The following PCDH15 variants were observed in gnomAD, a reference collection of about 807,000 sequenced individuals.
The protein encoded by PCDH15 is protocadherin-15.
PCDH15 carries 129 observed loss-of-function variants against 178.5 expected under a neutral mutation model. The ratio of observed to expected loss-of-function variants is 0.72; its 90% CI spans 0.63 to 0.84. The LOEUF (loss-of-function observed/expected upper bound fraction) is 0.84. Ranked by LOEUF, PCDH15 falls within the 40% of genes least tolerant of loss-of-function variation. The pLI, the probability that PCDH15 is intolerant of heterozygous loss-of-function variation, is 0.00. For missense variants in PCDH15, 2,230 were observed against 2,099.9 expected (o/e 1.06, Z -1.21); for synonymous variants, 800 against 732.0 (o/e 1.09, Z -1.50).
chr10:53,924,290 C>T (rs950537826), intron 25 of PCDH15, among the ~76,000 whole-genome samples: 7 of 152,236 alleles, frequency 4.6e-5, no homozygotes, highest in Admixed American at 6.5e-5. Flanking sequence ...CGGCTGGCAC[C>T]GTGGGCCCCA....
chr10:55,127,607 T>C (rs1837935298), intron 2 of PCDH15, among the ~76,000 whole-genome samples: 1 of 152,104 alleles, frequency 6.6e-6, no homozygotes, highest in Admixed American at 6.6e-5. Flanking sequence ...TCCTTTACCC[T>C]AATATAATCC....
At chr10:54,717,261 G>A (rs1314329894) in intron 1 of PCDH15, among the ~76,000 whole-genome samples, 2 of 120,364 alleles carry the variant, frequency 1.7e-5, no homozygotes, top group Non-Finnish European at 3.5e-5. Context: ...TTGACAAATG[G>A]GATCTAATTA....
At chr10:53,876,267 A>C (rs1439767274) in intron 26 of PCDH15, among the ~76,000 whole-genome samples, 1 of 149,312 alleles carries the variant, frequency 6.7e-6, no homozygotes, top group Non-Finnish European at 1.5e-5. Context: ...AGCTCACTGC[A>C]ACCTCCGCCT....
intron 2 of PCDH15, among the ~76,000 whole-genome samples, chr10:55,571,967 T>C (rs1842414255): frequency 1.3e-5 from 2 of 152,114 alleles, no homozygotes; most frequent in South Asian, 2.1e-4. Context: ...CGTGTCTTGC[T>C]ATAAACTTCC....
intron 8 of PCDH15, among the ~76,000 whole-genome samples, chr10:54,284,799 C>T (rs147620677): frequency 6.6e-6 from 1 of 152,224 alleles, no homozygotes; most frequent in African/African-American, 2.4e-5. Context: ...TTATCTAAGA[C>T]CCTTTTGCCT....
intron 2 of PCDH15, among the ~76,000 whole-genome samples, chr10:55,528,530 T>C (rs756519715): frequency 6.6e-6 from 1 of 152,150 alleles, no homozygotes; most frequent in Non-Finnish European, 1.5e-5. Flanking sequence ...TCTAGCTTCA[T>C]CCATGTCCCT....
chr10:53,839,017 A>G (rs1164007306), intron 29 of PCDH15, among the ~76,000 whole-genome samples: 1 of 152,040 alleles, frequency 6.6e-6, no homozygotes, highest in Non-Finnish European at 1.5e-5. Flanking sequence ...ATCCTGGCTA[A>G]CATGGTAAAA....
intron 1 of PCDH15, among the ~76,000 whole-genome samples, chr10:55,179,554 C>T (rs763948188): frequency 3.6e-5 from 4 of 110,462 alleles, no homozygotes; most frequent in Non-Finnish European, 8.2e-5. Context: ...CACTCCCCCC[C>T]ATTCTAAGCC....
At chr10:54,917,647 C>A (rs1265906783) in intron 2 of PCDH15, among the ~76,000 whole-genome samples, 1 of 152,106 alleles carries the variant, frequency 6.6e-6, no homozygotes, top group Non-Finnish European at 1.5e-5. Context: ...CTCAATGCAA[C>A]CAAGCCTGCC....
At chr10:54,131,079 C>T (rs1032082177) in intron 15 of PCDH15, among the ~76,000 whole-genome samples, 3 of 152,060 alleles carry the variant, frequency 2.0e-5, no homozygotes. Flanking sequence ...TTTTTTCAGC[C>T]TTTGTACCAG....
At chr10:54,873,695 T>TTTTA (rs1554809277) in intron 3 of PCDH15, among the ~76,000 whole-genome samples, 10,623 of 138,776 alleles carry the variant, frequency 0.077, 797 homozygotes, top group African/African-American at 0.2. Flanking sequence ...CTGCTGTATT[T>TTTTA]TATATATATA....
At chr10:53,847,707 G>A (rs2078067543) in intron 28 of PCDH15, among the ~76,000 whole-genome samples, 1 of 152,070 alleles carries the variant, frequency 6.6e-6, no homozygotes, top group Admixed American at 6.6e-5. Flanking sequence ...CAAGGTGACA[G>A]TCAAGTTTGT....
chr10:53,840,555 T>A (rs765952218), intron 28 of PCDH15, 59 bp from the exon 29 acceptor site: 22 of 1,480,636 alleles, frequency 1.5e-5, no homozygotes, highest in Non-Finnish European at 2.0e-5. Context: ...GAGTAAAAAA[T>A]TACTCTTAAC....
At chr10:54,178,709 TCAAA>T (rs891069701) in intron 13 of PCDH15, among the ~76,000 whole-genome samples, 2 of 138,188 alleles carry the variant, frequency 1.4e-5, no homozygotes, top group African/African-American at 3.0e-5. Context: ...TACAATGAAC[TCAAA>T]CAAATTTACA....
chr10:55,561,089 T>A (rs1842188780), intron 2 of PCDH15, among the ~76,000 whole-genome samples: 1 of 151,752 alleles, frequency 6.6e-6, no homozygotes, highest in Non-Finnish European at 1.5e-5. Context: ...TAAAAATAAC[T>A]CAGGTGTTAT....
intron 1 of PCDH15, among the ~76,000 whole-genome samples, chr10:55,190,851 A>G (rs1322407780): frequency 6.6e-6 from 1 of 151,722 alleles, no homozygotes; most frequent in Non-Finnish European, 1.5e-5. Flanking sequence ...TATAATAGGC[A>G]TTACTCTTTA....
intron 8 of PCDH15, among the ~76,000 whole-genome samples, chr10:54,253,527 C>T (rs1173978001): frequency 6.6e-6 from 1 of 152,002 alleles, no homozygotes. Context: ...TAATACTTTA[C>T]AAAATATACC....
chr10:55,352,578 G>A (rs185111522), intron 2 of PCDH15, among the ~76,000 whole-genome samples: 271 of 152,198 alleles, frequency 1.8e-3, no homozygotes, highest in Admixed American at 2.9e-3. Flanking sequence ...CCATTCTACG[G>A]TTGTTCAGAA....
chr10:54,936,735 AGTTTT>A (rs1019347420), intron 2 of PCDH15, among the ~76,000 whole-genome samples: 24 of 145,364 alleles, frequency 1.7e-4, no homozygotes, highest in African/African-American at 5.8e-4. Flanking sequence ...TTTAGTTTTT[AGTTTT>A]AAGAGTTTTT....
Sources: allele counts gnomAD v4.1 joint callset (sites outside exome capture counted in the v4.1 genomes callset), GRCh38; gene constraint gnomAD v4.1.1; transcripts MANE v1.5; gene names NCBI Gene and HGNC (gene_info 2026-07-23, HGNC 2026-07-21).